The following GAB1 variants were observed in gnomAD, a reference collection of about 807,000 sequenced individuals.
GAB1 encodes the protein GRB2-associated-binding protein 1.
Under a neutral mutation model 66.5 loss-of-function variants are expected in GAB1, and 19 were observed. The observed-to-expected ratio is 0.29, with a 90% CI of 0.20 to 0.42. The LOEUF is 0.42. GAB1 is among the 10% of genes least tolerant of loss of function. The probability of loss-of-function intolerance (pLI) is 1.00; values close to 1 mark genes in which losing one functional copy is unlikely to be tolerated. For missense variants in GAB1, 732 were observed against 858.5 expected (o/e 0.85, Z 1.84); for synonymous variants, 294 against 301.4 (o/e 0.98, Z 0.25).
chr4:143,400,454 C>T (rs1367682278), intron 1 of GAB1, among the ~76,000 whole-genome samples: 1 of 152,168 alleles, frequency 6.6e-6, no homozygotes, highest in Non-Finnish European at 1.5e-5. Context: ...TATAACAGCT[C>T]ATAATGATTA....
At chr4:143,445,796 TTTG>T (rs768436555) in intron 6 of GAB1, among the ~76,000 whole-genome samples, 4 of 152,228 alleles carry the variant, frequency 2.6e-5, no homozygotes, top group Non-Finnish European at 5.9e-5. Flanking sequence ...TTTTTGTTTG[TTTG>T]TTTTTAATTA....
chr4:143,454,910 T>TA (rs1188673853), intron 6 of GAB1, among the ~76,000 whole-genome samples: 2 of 152,192 alleles, frequency 1.3e-5, no homozygotes, highest in Admixed American at 6.5e-5. Flanking sequence ...CTTTTTTTTT[T>TA]AATCTATTAT....
At chr4:143,402,994 C>T (rs1020994045) in intron 1 of GAB1, among the ~76,000 whole-genome samples, 20 of 152,210 alleles carry the variant, frequency 1.3e-4, no homozygotes, top group African/African-American at 4.6e-4. Context: ...CCAGCACTTT[C>T]TGAATGACTC....
intron 1 of GAB1, among the ~76,000 whole-genome samples, chr4:143,396,631 T>C (rs1731468963): frequency 6.6e-6 from 1 of 152,188 alleles, no homozygotes; most frequent in African/African-American, 2.4e-5. Flanking sequence ...TATATAAGCA[T>C]ATTATTTGGA....
intron 1 of GAB1, among the ~76,000 whole-genome samples, chr4:143,364,534 GAT>G (rs1279234643): frequency 1.3e-5 from 2 of 152,124 alleles, no homozygotes; most frequent in African/African-American, 4.8e-5. Context: ...GGGAAAACTG[GAT>G]ATGTGTTGGA....
At chr4:143,361,900 G>A (rs1255427698) in intron 1 of GAB1, among the ~76,000 whole-genome samples, 1 of 147,680 alleles carries the variant, frequency 6.8e-6, no homozygotes, top group African/African-American at 2.6e-5. Context: ...TTCAGCTTTT[G>A]AAGTGTTGTG....
chr4:143,415,664 T>G lies in GAB1; in HGVS notation c.260T>G (p.Ile87Ser). Reference sequence around the variant, plus strand: ...TTTGAAAACAGCTACATTTTTGATATCAACACTATTGACCGGATTTTCTAC... The same window carrying G: ...TTTGAAAACAGCTACATTTTTGATAGCAACACTATTGACCGGATTTTCTAC... Reference protein sequence around the residue: ...KEFENSYIFDINTIDRIFYLV... With the variant: ...KEFENSYIFDSNTIDRIFYLV... The change falls in exon 2 of 10, where the codon ATC (isoleucine) becomes AGC (serine). Residue 87 changes from isoleucine to serine, a missense_variant. By Grantham distance (142) the Ile-to-Ser change is moderately radical. Transcript: ENST00000262994. 6.2e-7 allele frequency: 1 copy of G among 1,614,036 alleles called. No individual in the cohort carries two copies. Among genetic ancestry groups the G allele is most frequent in the Non-Finnish European group, 8.5e-7 (1 of 1,179,876 alleles).
intron 1 of GAB1, among the ~76,000 whole-genome samples, chr4:143,401,694 C>T (rs1249432999): frequency 2.6e-5 from 4 of 152,104 alleles, no homozygotes; most frequent in Non-Finnish European, 5.9e-5. Context: ...AAACCTGCCT[C>T]AGAAGGTTGT....
intron 1 of GAB1, among the ~76,000 whole-genome samples, chr4:143,397,943 G>A (rs746469356): frequency 1.3e-5 from 2 of 152,172 alleles, no homozygotes; most frequent in Non-Finnish European, 2.9e-5. Context: ...TTGTCCAAAG[G>A]GAAAAGATAA....
At chr4:143,466,681 G>A (rs987763073) in intron 9 of GAB1, among the ~76,000 whole-genome samples, 7 of 151,454 alleles carry the variant, frequency 4.6e-5, no homozygotes, top group South Asian at 2.1e-4. Context: ...GTAGAGACAC[G>A]GTTTCACCAT....
At chr4:143,442,836 T>C (rs1578723483) in intron 6 of GAB1, among the ~76,000 whole-genome samples, 1 of 152,042 alleles carries the variant, frequency 6.6e-6, no homozygotes, top group African/African-American at 2.4e-5. Context: ...GTGAGTTCGT[T>C]GGCCACATTA....
chr4:143,457,033 C>T (rs1735226254), intron 6 of GAB1, among the ~76,000 whole-genome samples: 1 of 152,172 alleles, frequency 6.6e-6, no homozygotes, highest in South Asian at 2.1e-4. Flanking sequence ...ACATGTAATT[C>T]TTGCAAGATG....
chr4:143,363,397 G>A (rs796275432), intron 1 of GAB1, among the ~76,000 whole-genome samples: 14 of 152,302 alleles, frequency 9.2e-5, no homozygotes, highest in African/African-American at 3.4e-4. Flanking sequence ...AACTTGCAGA[G>A]TAAGAGAAGT....
chr4:143,412,613 C>T (rs1458532050), intron 1 of GAB1, among the ~76,000 whole-genome samples: 4 of 152,084 alleles, frequency 2.6e-5, no homozygotes, highest in Admixed American at 6.5e-5. Flanking sequence ...CAAATCACTA[C>T]GTAGGTAAGT....
At chr4:143,375,772 G>A (rs1730388857) in intron 1 of GAB1, among the ~76,000 whole-genome samples, 1 of 152,158 alleles carries the variant, frequency 6.6e-6, no homozygotes. Context: ...TTGTGGCCTG[G>A]ATGATTGTTT....
At chr4:143,356,470 T>G (rs1729451389) in intron 1 of GAB1, among the ~76,000 whole-genome samples, 1 of 114,744 alleles carries the variant, frequency 8.7e-6, no homozygotes, top group African/African-American at 2.6e-5. Context: ...ATGCTTGCTT[T>G]CATACCCATA....
chr4:143,446,048 G>GT (rs1259202889), intron 6 of GAB1, among the ~76,000 whole-genome samples: 2 of 151,866 alleles, frequency 1.3e-5, no homozygotes, highest in African/African-American at 4.8e-5. Flanking sequence ...GCAGTGTTTG[G>GT]TTTTTTGTCC....
At chr4:143,459,320 G>A (rs1448709837) in intron 6 of GAB1, 65 bp from the exon 7 acceptor site, 1 of 915,918 alleles carries the variant, frequency 1.1e-6, no homozygotes, top group East Asian at 2.4e-5. Context: ...GTTACAGAGA[G>A]AGAATCTTGT....
chr4:143,348,856 A>C (rs1005710957), intron 1 of GAB1, among the ~76,000 whole-genome samples: 7 of 151,970 alleles, frequency 4.6e-5, no homozygotes, highest in African/African-American at 1.5e-4. Flanking sequence ...ATCAGCTCTG[A>C]GATCTCTCTC....
Sources: gnomAD v4.1 joint callset for allele counts (sites outside exome capture counted in the v4.1 genomes callset) on GRCh38, gnomAD v4.1.1 for gene constraint, MANE v1.5 for transcripts, NCBI Gene and HGNC (gene_info 2026-07-23, HGNC 2026-07-21) for gene names.